The following UBASH3A variants were observed in gnomAD, a reference collection of about 807,000 sequenced individuals.
UBASH3A encodes ubiquitin-associated and SH3 domain-containing protein A.
Under a neutral mutation model 73.5 loss-of-function variants are expected in UBASH3A, and 63 were observed. The observed-to-expected ratio is 0.86, with a 90% CI of 0.70 to 1.06. The LOEUF (loss-of-function observed/expected upper bound fraction) is 1.06. UBASH3A is among the 50% of genes least tolerant of loss of function. UBASH3A has a pLI of 0.00. For missense variants in UBASH3A, 860 were observed against 859.0 expected, an observed-to-expected ratio of 1.00 and a Z score of -0.02; for synonymous variants, 363 against 351.1, an observed-to-expected ratio of 1.03 and a Z score of -0.38.
intron 6 of UBASH3A, among the ~76,000 whole-genome samples, chr21:42,417,882 T>TC (rs1397447576): frequency 2.7e-3 from 258 of 95,464 alleles, no homozygotes; most frequent in Non-Finnish European, 4.2e-3. Context: ...TTTTTTCTTT[T>TC]TTTTTTTTTT....
Position 42,413,487 on chromosome 21 carries a change from A to G in UBASH3A, c.631A>G (p.Arg211Gly), listed in dbSNP as rs1218862274. 2 of 1,614,156 alleles carry G rather than the reference A, an allele frequency of 1.2e-6. No individual in the cohort carries two copies. Among genetic ancestry groups the G allele is most frequent in the Non-Finnish European group, 1.7e-6 (2 of 1,179,992 alleles). ...TAACCTGAGGCTGAGCAATTTAACT[A>G]GAGCCTCCTTCGTGAGCCACTACAT... ...GPNLRLSNLT[R>G]ASFVSHYILQ... The change falls in exon 5 of 15, where the codon AGA becomes GGA. Residue 211 changes from arginine (R) to glycine (G), a missense_variant. Arg to Gly is a moderately radical substitution (Grantham distance 125, BLOSUM62 -2). Coordinates refer to ENST00000319294, the MANE Select transcript of UBASH3A (RefSeq NM_018961.4). The surrounding 1 kb of genome is among the most constrained non-coding windows in gnomAD (Gnocchi z 4.5).
chr21:42,437,576 G>A lies in UBASH3A; in HGVS notation c.1482G>A (p.Leu494=), dbSNP rs2053650020. The change falls in exon 11 of 15, where the codon CTG becomes CTA. Residue 494 remains leucine (L), a synonymous_variant. Coordinates refer to ENST00000319294, the MANE Select transcript of UBASH3A (RefSeq NM_018961.4). ...LRCVQTAKLI[L]EELKLEKKIK... is the part of the protein sequence containing the mutation. ...GTGTGCAGACGGCCAAACTCATCCT[G>A]GAAGGTCAGTGAGAACCTCGGTGAG... The A allele has an allele frequency of 6.2e-7, 1 of 1,614,170 alleles. No homozygotes were observed. Among genetic ancestry groups the A allele is most frequent in the Non-Finnish European group, 8.5e-7 (1 of 1,179,984 alleles).
At chr21:42,424,264 G>A (rs192744102) in intron 7 of UBASH3A, among the ~76,000 whole-genome samples, 2 of 152,074 alleles carry the variant, frequency 1.3e-5, no homozygotes, top group Admixed American at 6.5e-5. Context: ...CCCCCTGCCC[G>A]CCACAGAGGG....
At chr21:42,406,702 G>A (rs1052945934) in intron 2 of UBASH3A, among the ~76,000 whole-genome samples, 6 of 152,124 alleles carry the variant, frequency 3.9e-5, no homozygotes, top group South Asian at 4.1e-4. Context: ...TGATAAGCAC[G>A]TAAATGAGGG....
In UBASH3A at chr21:42,437,587, G is replaced by A. The variant is rs1413240102; in HGVS notation, c.1486+7G>A. The A allele has an allele frequency of 2.5e-6, 4 of 1,613,518 alleles. No individual in the cohort carries two copies. Among genetic ancestry groups the A allele is most frequent in the Non-Finnish European group, 3.4e-6 (4 of 1,179,528 alleles). ...GCCAAACTCATCCTGGAAGGTCAGT[G>A]AGAACCTCGGTGAGCCTCTCCTACT... On this transcript the variant is annotated splice_region_variant and intron_variant, in intron 11 of 14. Transcript: ENST00000319294.
At position 42,409,614 on chromosome 21, in the gene UBASH3A, T is replaced by C; in HGVS notation, c.354+6T>C. 3 of 1,607,840 alleles carry C rather than the reference T, an allele frequency of 1.9e-6. No individual in the cohort carries two copies. The highest frequency in any genetic ancestry group is 2.5e-6 in the Non-Finnish European group (3 of 1,176,926). ...CACTCTGTGACTTCTTCACGGTGAG[T>C]CAACCCAGTGTGCCTTCAATGCTCA... On this transcript the variant is annotated splice_donor_region_variant and intron_variant, in intron 3 of 14. Coordinates refer to ENST00000319294, the MANE Select transcript of UBASH3A (RefSeq NM_018961.4).
chr21:42,411,110 C>T (rs541163887), intron 3 of UBASH3A, among the ~76,000 whole-genome samples: 85 of 150,742 alleles, frequency 5.6e-4, no homozygotes, highest in African/African-American at 2.0e-3. Flanking sequence ...CACAGACACA[C>T]ACAGATAGAC....
chr21:42,414,403 C>G (rs2053161666), intron 5 of UBASH3A, among the ~76,000 whole-genome samples: 1 of 152,188 alleles, frequency 6.6e-6, no homozygotes, highest in Admixed American at 6.5e-5. Context: ...AGGCCCTCCC[C>G]CAGTGAACCT....
At position 42,412,698 on chromosome 21, in the gene UBASH3A, A is replaced by G. The variant is rs113662012; in HGVS notation, c.355-326A>G. ...GCAAACCTGAGCAAAGCAGTGTGCCATGGGACTGAGGAAAGGGCCTGGCAG... is the reference window on the plus strand; with the variant it reads ...GCAAACCTGAGCAAAGCAGTGTGCCGTGGGACTGAGGAAAGGGCCTGGCAG... On this transcript the variant is annotated intron_variant, in intron 3 of 14. Coordinates refer to ENST00000319294, the MANE Select transcript of UBASH3A (RefSeq NM_018961.4). Among the ~76,000 whole-genome samples the G allele has an allele frequency of 2.0e-3, 303 of 152,262 alleles. 2 individuals carry two copies. Among genetic ancestry groups the G allele is most frequent in the African/African-American group, 7.1e-3 (293 of 41,540 alleles).
At chr21:42,412,556 C>T (rs1396378268) in intron 3 of UBASH3A, among the ~76,000 whole-genome samples, 2 of 152,184 alleles carry the variant, frequency 1.3e-5, no homozygotes, top group Non-Finnish European at 2.9e-5. Context: ...AGTGCTCAGC[C>T]GTGGAAGAGA....
rs1001653051 is a variant in UBASH3A, at chr21:42,442,657, T to C, written c.1631+61T>C. 3.1e-5 allele frequency: 47 copies of C among 1,537,084 alleles called. 1 individual carries two copies. In the South Asian group the frequency reaches 5.5e-4, roughly 18 times the overall value. On this transcript the variant is annotated intron_variant, in intron 12 of 14. Transcript: ENST00000319294. ...TTCCAGTTATTGTTAAAGAAAAATT[T>C]CATGACACTGTTAAAATGGTAAGAA...
At chr21:42,416,371 A>G (rs2053206699) in intron 5 of UBASH3A, 71 bp from the exon 6 acceptor site, 3 of 1,457,194 alleles carry the variant, frequency 2.1e-6, no homozygotes, top group Non-Finnish European at 1.8e-6. Flanking sequence ...TGGAGGAAGC[A>G]TGGAGGTCGG....
chr21:42,419,908 C>T (rs1427164828), intron 7 of UBASH3A, among the ~76,000 whole-genome samples: 1 of 152,136 alleles, frequency 6.6e-6, no homozygotes, highest in East Asian at 1.9e-4. Context: ...TGTAAGTGTT[C>T]TGAGCGTGTT....
In UBASH3A at chr21:42,447,372, A is replaced by C; in HGVS notation, c.*178A>C. The C allele has an allele frequency of 1.5e-6, 1 of 661,154 alleles. No homozygotes were observed. Among genetic ancestry groups the C allele is most frequent in the Non-Finnish European group, 2.4e-6 (1 of 412,468 alleles). The allele number at this position is 661,154 out of a possible 1,614,324, so 41.0% of individuals were successfully genotyped here. A position where few individuals can be genotyped will look rare whatever the true frequency, so the allele number is the denominator to read the frequency against. On this transcript the variant is annotated 3_prime_UTR_variant, in exon 15 of 15. Transcript: ENST00000319294. ...TCCGGCTTTCGCCTTTGTAACTCCCATCTGTGGACCCATCGTCCACCAGCC... is the reference window on the plus strand; with the variant it reads ...TCCGGCTTTCGCCTTTGTAACTCCCCTCTGTGGACCCATCGTCCACCAGCC...
chr21:42,443,622 C>G (rs893699536), intron 13 of UBASH3A, among the ~76,000 whole-genome samples: 1 of 151,442 alleles, frequency 6.6e-6, no homozygotes, highest in Admixed American at 6.6e-5. Context: ...CCCTGCCGCC[C>G]AGGCCCTGGG....
At chr21:42,442,404 C>A (rs368455861) in intron 11 of UBASH3A, 48 bp from the exon 12 acceptor site, 1 of 1,595,534 alleles carries the variant, frequency 6.3e-7, no homozygotes, top group Non-Finnish European at 8.6e-7. Context: ...TATGCAAAGT[C>A]AGGGTGGATG....
chr21:42,409,529 G>A lies in UBASH3A; in HGVS notation c.275G>A (p.Trp92Ter). The A allele has an allele frequency of 6.2e-7, 1 of 1,614,124 alleles. No homozygotes were observed. The highest frequency in any genetic ancestry group is 8.5e-7 in the Non-Finnish European group (1 of 1,180,012). Residue 92 changes from tryptophan (W) to a stop codon, truncating the protein, a stop_gained, in exon 3 of 15, where the codon TGG (tryptophan) becomes TAG (stop). Transcript: ENST00000319294. LOFTEE classifies it high-confidence loss of function. ...GPLLEKLQEFWRESKRQCAKN... is the reference protein window; with the variant it reads ...GPLLEKLQEF ...CTGCTGGAAAAACTTCAAGAGTTCTGGAGAGAGAGCAAGCGCCAGTGTGCA... is the reference window on the plus strand; with the variant it reads ...CTGCTGGAAAAACTTCAAGAGTTCTAGAGAGAGAGCAAGCGCCAGTGTGCA...
rs78322489 is a variant in UBASH3A, at chr21:42,418,703, A to G, written c.1046+94A>G. Reference sequence around the variant, plus strand: ...CAACAGTGTGCTTCTAGACCATTCCATTATTGGTAAAATTGCATTCTGTAT... The same window carrying G: ...CAACAGTGTGCTTCTAGACCATTCCGTTATTGGTAAAATTGCATTCTGTAT... On this transcript the variant is annotated intron_variant, in intron 7 of 14. Coordinates refer to ENST00000319294, the MANE Select transcript of UBASH3A (RefSeq NM_018961.4). 3.8e-3 allele frequency: 4,616 copies of G among 1,209,198 alleles called. 131 individuals carry two copies. The African/African-American group carries it at 0.059, about 16-fold the overall frequency. The allele number at this position is 1,209,198 out of a possible 1,614,324, so 74.9% of individuals were successfully genotyped here.
Position 42,422,127 on chromosome 21 carries a change from T to G in UBASH3A, c.1046+3518T>G, listed in dbSNP as rs115911694. Among the ~76,000 whole-genome samples the G allele has an allele frequency of 4.3e-3, 652 of 152,316 alleles. 3 individuals are homozygous for G. The highest frequency in any genetic ancestry group is 0.015 in the African/African-American group (614 of 41,574). ...CCACTTGACATTCAAGGAGAGCAGA[T>G]TCCAGCCAAAGCCCCACAGCTGTGC... On this transcript the variant is annotated intron_variant, in intron 7 of 14. Transcript: ENST00000319294.
Sources: gnomAD v4.1 joint callset for allele counts (sites outside exome capture counted in the v4.1 genomes callset) on GRCh38, gnomAD v4.1.1 for gene constraint, Gnocchi (gnomAD v3.1) non-coding constraint, MANE v1.5 for transcripts, NCBI Gene and HGNC (gene_info 2026-07-23, HGNC 2026-07-21) for gene names.